The following CNTRL variants were observed in gnomAD, a reference collection of about 807,000 sequenced individuals.
CNTRL encodes 110 kDa centrosomal protein.
In CNTRL, 233 loss-of-function variants were observed where a neutral mutation model predicts 303.7. That is an observed-to-expected ratio of 0.77 (90% CI 0.69 to 0.86). The LOEUF is 0.86. CNTRL is among the 40% of genes least tolerant of loss of function. CNTRL has a pLI of 0.00. For synonymous variants in CNTRL, 900 were observed against 922.2 expected (o/e 0.98, Z 0.44); for missense variants, 2,524 against 2,650.6 (o/e 0.95, Z 1.05).
chr9:121,123,470 G>A (rs1180756395), intron 12 of CNTRL, among the ~76,000 whole-genome samples: 2 of 152,114 alleles, frequency 1.3e-5, no homozygotes, highest in Non-Finnish European at 2.9e-5. Context: ...GTGGTGGCCC[G>A]CACCTGTAGT....
chr9:121,083,975 A>G (rs1305474426), intron 2 of CNTRL, among the ~76,000 whole-genome samples: 1 of 152,252 alleles, frequency 6.6e-6, no homozygotes, highest in Non-Finnish European at 1.5e-5. Flanking sequence ...GATGTTTGTC[A>G]TTCCACTATC....
rs760152645 is a variant in CNTRL at position 121,088,488 on chromosome 9, G to A, written c.162G>A (p.Glu54=). Residue 54 remains glutamate, a synonymous_variant, in exon 3 of 44, where the codon GAG becomes GAA. Transcript: ENST00000373855. ...TTCATTCTGGAGGACAGTGGTGTGA[G>A]CAAGTTGAGATTGCAGATGAAAACA... The part of the protein sequence containing the change: ...LPFHSGGQWC[E]QVEIADENNM... 9 of 1,613,102 alleles carry A rather than the reference G, an allele frequency of 5.6e-6. No individual in the cohort carries two copies. The South Asian group carries it at 7.7e-5, about 14-fold the overall frequency.
At chr9:121,138,712 C>A (rs761383451) in intron 16 of CNTRL, 33 bp downstream of exon 16, 10 of 1,604,832 alleles carry the variant, frequency 6.2e-6, no homozygotes, top group South Asian at 2.2e-5. Context: ...TACATTCTTA[C>A]ACAGAACACC....
At chr9:121,165,618 CACTT>C (rs1445117534) in intron 35 of CNTRL, among the ~76,000 whole-genome samples, 1 of 152,236 alleles carries the variant, frequency 6.6e-6, no homozygotes, top group South Asian at 2.1e-4. Context: ...TTCATTTTCT[CACTT>C]AATCCTCATA....
rs1329202291 is a variant in CNTRL, at chr9:121,162,146, A to G, written c.5298A>G (p.Arg1766=). 4.3e-6 allele frequency: 7 copies of G among 1,614,096 alleles called. No homozygotes were observed. In the Admixed American group the frequency reaches 1.2e-4, roughly 27 times the overall value. The change falls in exon 34 of 44, where the codon CGA becomes CGG. Residue 1766 remains arginine, a synonymous_variant. Coordinates refer to ENST00000373855, the MANE Select transcript of CNTRL (RefSeq NM_007018.6). ...WQKQLLERDK[R]EIERMTAESR... is the part of the protein sequence containing the mutation. ...AGCAGCTCCTTGAGAGGGATAAACG[A>G]GAAATAGAACGAATGACTGCTGAGT...
chr9:121,145,213 G>A, intron 21 of CNTRL, 31 bp from the exon 22 acceptor site: 2 of 1,588,088 alleles, frequency 1.3e-6, no homozygotes, highest in Non-Finnish European at 1.7e-6. Flanking sequence ...GAATTCATTG[G>A]CAACTTTGTA....
At position 121,087,794 on chromosome 9, in the gene CNTRL, A is replaced by G. The variant is rs555343847; in HGVS notation, c.-31-502A>G. 7.9e-4 allele frequency among the ~76,000 whole-genome samples: 121 copies of G among 152,340 alleles called. 1 individual carries two copies. Among genetic ancestry groups the G allele is most frequent in the South Asian group, 8.3e-4 (4 of 4,826 alleles). ...ATTAGACAGAAACTAGAAGGGACCA[A>G]TGAGGAGTTCTGATGTTTAAATTAC... On this transcript the variant is annotated intron_variant, in intron 2 of 43. Transcript: ENST00000373855.
chr9:121,123,332 C>T (rs1033059998), intron 12 of CNTRL, among the ~76,000 whole-genome samples: 3 of 152,120 alleles, frequency 2.0e-5, no homozygotes, highest in Non-Finnish European at 4.4e-5. Context: ...GTAATCCCAG[C>T]GATTTGGGAG....
chr9:121,172,834 A>G (rs2053367907), intron 40 of CNTRL, among the ~76,000 whole-genome samples: 1 of 152,102 alleles, frequency 6.6e-6, no homozygotes, highest in Non-Finnish European at 1.5e-5. Flanking sequence ...ATTCTCACTT[A>G]GTTTTTACAT....
Position 121,088,399 on chromosome 9 carries a change from T to A in CNTRL, c.73T>A (p.Ser25Thr). Residue 25 changes from serine to threonine, a missense_variant, in exon 3 of 44, where the codon TCA (serine) becomes ACA (threonine). Ser to Thr is a moderately conservative substitution (Grantham distance 58, BLOSUM62 1). Transcript: ENST00000373855. ...ATCATCATCTCACTCTCCTATCCCA[T>A]CATCTATGTCCAATATGAGATCTAG... ...IPSSSHSPIP[S>T]SMSNMRSRSL... 2 of 1,613,164 alleles carry A rather than the reference T, an allele frequency of 1.2e-6. No homozygotes were observed. The highest frequency in any genetic ancestry group is 2.7e-5 in the African/African-American group (2 of 75,026).
At chr9:121,110,882 A>G (rs1331540240) in intron 8 of CNTRL, among the ~76,000 whole-genome samples, 1 of 151,914 alleles carries the variant, frequency 6.6e-6, no homozygotes, top group African/African-American at 2.4e-5. Context: ...CATTTCTTCA[A>G]CAGATATTTA....
At chr9:121,101,639 T>C (rs756008630) in intron 7 of CNTRL, among the ~76,000 whole-genome samples, 1 of 151,790 alleles carries the variant, frequency 6.6e-6, no homozygotes, top group African/African-American at 2.4e-5. Flanking sequence ...ATCAACAAAA[T>C]AGGTAGACCC....
chr9:121,097,872 C>G (rs1324716042), intron 6 of CNTRL, among the ~76,000 whole-genome samples: 2 of 152,188 alleles, frequency 1.3e-5, no homozygotes, highest in Admixed American at 6.5e-5. Context: ...TTTGTACTAG[C>G]TATTTGGAGT....
intron 43 of CNTRL, among the ~76,000 whole-genome samples, chr9:121,176,908 C>A (rs527993183): frequency 6.6e-6 from 1 of 151,456 alleles, no homozygotes; most frequent in African/African-American, 2.4e-5. Flanking sequence ...GATGCCATCC[C>A]TGCTCACAGG....
chr9:121,114,941 G>A (rs1257948717), intron 10 of CNTRL, 150 bp from the exon 11 acceptor site: 1 of 531,342 alleles, frequency 1.9e-6, no homozygotes, highest in Non-Finnish European at 3.4e-6. Context: ...GCGATCATAA[G>A]TAATTACTTT....
At chr9:121,154,431 A>G (rs2052451138) in intron 26 of CNTRL, among the ~76,000 whole-genome samples, 1 of 152,226 alleles carries the variant, frequency 6.6e-6, no homozygotes. Flanking sequence ...AGAAGTATCA[A>G]CATTTTCTTG....
chr9:121,119,901 T>G (rs1438803786), intron 12 of CNTRL, among the ~76,000 whole-genome samples: 2 of 152,224 alleles, frequency 1.3e-5, no homozygotes, highest in Non-Finnish European at 2.9e-5. Flanking sequence ...ATTTGTTTTT[T>G]CATACTGTTT....
chr9:121,110,975 T>G (rs1240886491), intron 8 of CNTRL: 3 of 152,172 alleles, frequency 2.0e-5, no homozygotes, highest in Non-Finnish European at 2.9e-5. Context: ...TATTATTATT[T>G]GCCTGCAGAG....
intron 39 of CNTRL, among the ~76,000 whole-genome samples, chr9:121,170,217 C>T (rs2053248526): frequency 6.6e-6 from 1 of 152,196 alleles, no homozygotes; most frequent in Admixed American, 6.5e-5. Flanking sequence ...AATCTCAGCT[C>T]ACTGCAGCCT....
Sources: gnomAD v4.1 joint callset for allele counts (sites outside exome capture counted in the v4.1 genomes callset) on GRCh38, gnomAD v4.1.1 for gene constraint, MANE v1.5 for transcripts, NCBI Gene and HGNC (gene_info 2026-07-23, HGNC 2026-07-21) for gene names.